NMU: variants seen among roughly 807,000 people sequenced by gnomAD.
NMU encodes the protein neuromedin-U.
NMU carries 29 observed loss-of-function variants against 35.4 expected under a neutral mutation model. That is an observed-to-expected ratio of 0.82 (90% CI 0.61 to 1.12). The LOEUF (loss-of-function observed/expected upper bound fraction) is 1.12, where lower values mean the gene tolerates loss of function less well. Ranked by LOEUF, NMU falls within the 50% of genes most tolerant of loss-of-function variation. The probability of loss-of-function intolerance (pLI) is 0.00; values close to 1 mark genes in which losing one functional copy is unlikely to be tolerated. For missense variants in NMU, 199 were observed against 206.2 expected (o/e 0.97, Z 0.21); for synonymous variants, 78 against 81.3 (o/e 0.96, Z 0.22).
chr4:55,627,833 G>A (rs546326597), intron 2 of NMU, among the ~76,000 whole-genome samples: 5 of 152,280 alleles, frequency 3.3e-5, no homozygotes, highest in South Asian at 2.1e-4. Context: ...TGCTTATCTC[G>A]ATAGTGACAC....
intron 2 of NMU, among the ~76,000 whole-genome samples, chr4:55,626,018 T>TATC (rs966152211): frequency 1.3e-5 from 2 of 152,176 alleles, no homozygotes. Flanking sequence ...ATCTTTGGGC[T>TATC]ATCTACCCAG....
chr4:55,615,897 C>T (rs1734095259), intron 3 of NMU, among the ~76,000 whole-genome samples: 1 of 152,062 alleles, frequency 6.6e-6, no homozygotes, highest in Non-Finnish European at 1.5e-5. Flanking sequence ...GTTTTCTGTT[C>T]CTGTGTTAGT....
In NMU at chr4:55,635,933, G is replaced by T. The variant is rs1252967555; in HGVS notation, c.112+148C>A. 6 of 1,422,208 alleles carry T rather than the reference G, an allele frequency of 4.2e-6. No homozygotes were observed. In the East Asian group the frequency reaches 1.5e-4, roughly 36 times the overall value. 88.1% of individuals were successfully genotyped at this position (1,422,208 alleles called of 1,614,324 possible). A position where few individuals can be genotyped will look rare whatever the true frequency, so the allele number is the denominator to read the frequency against. ...CCCTGGGGAGGCGACCTGTGCCTGG[G>T]AGGCGGGAAACCCCGCGGCACCAGA... On this transcript the variant is annotated intron_variant, in intron 1 of 9. Coordinates refer to ENST00000264218, the MANE Select transcript of NMU (RefSeq NM_006681.4).
intron 7 of NMU, among the ~76,000 whole-genome samples, chr4:55,601,844 C>G (rs1304781741): frequency 1.3e-5 from 2 of 151,610 alleles, no homozygotes; most frequent in African/African-American, 4.8e-5. Flanking sequence ...AAAATTTAGC[C>G]AGGTGTGATG....
chr4:55,600,654 G>A (rs1488777674), intron 7 of NMU, 79 bp from the exon 8 acceptor site: 6 of 1,015,866 alleles, frequency 5.9e-6, no homozygotes, highest in Non-Finnish European at 9.4e-6. Context: ...TATATTGAGG[G>A]TCAAAATTAC....
chr4:55,601,656 T>A (rs562082948), intron 7 of NMU, among the ~76,000 whole-genome samples: 51 of 152,108 alleles, frequency 3.4e-4, no homozygotes, highest in African/African-American at 1.2e-3. Context: ...TTTAAAAAAA[T>A]GTACACATAT....
At position 55,615,520 on chromosome 4, in the gene NMU, T is replaced by C. The variant is rs576342246; in HGVS notation, c.219+818A>G. On this transcript the variant is annotated intron_variant, in intron 3 of 9. Transcript: ENST00000264218. ...ACTTTTCAGTTATAATGATGATGCT[T>C]TGACCTCCAAAAGTCTGACTCATAA... 3.3e-5 allele frequency among the ~76,000 whole-genome samples: 5 copies of C among 152,346 alleles called. No individual in the cohort carries two copies. In the East Asian group the frequency reaches 9.6e-4, roughly 29 times the overall value.
chr4:55,611,168 C>G (rs953901425), intron 3 of NMU, among the ~76,000 whole-genome samples: 6 of 151,966 alleles, frequency 3.9e-5, no homozygotes, highest in African/African-American at 1.5e-4. Context: ...TTGAGACCAG[C>G]CTGGACAACA....
At chr4:55,604,637 C>T (rs869049327) in intron 7 of NMU, among the ~76,000 whole-genome samples, 1 of 144,844 alleles carries the variant, frequency 6.9e-6, no homozygotes, top group South Asian at 2.2e-4. Flanking sequence ...CCTCAGTCTC[C>T]GAGTACCTGG....
At chr4:55,614,814 C>CAT (rs1734056391) in intron 3 of NMU, among the ~76,000 whole-genome samples, 1 of 152,194 alleles carries the variant, frequency 6.6e-6, no homozygotes, top group South Asian at 2.1e-4. Flanking sequence ...AATACAAATG[C>CAT]ATATATGCTG....
intron 6 of NMU, among the ~76,000 whole-genome samples, chr4:55,605,677 T>C (rs942051546): frequency 6.6e-6 from 1 of 152,244 alleles, no homozygotes; most frequent in Non-Finnish European, 1.5e-5. Context: ...AGGCAGTCTG[T>C]CTGTTACTAG....
Position 55,614,822 on chromosome 4 carries a change from C to T in NMU, c.219+1516G>A, listed in dbSNP as rs369262161. 9.2e-5 allele frequency among the ~76,000 whole-genome samples: 14 copies of T among 152,290 alleles called. No individual in the cohort carries two copies. In the East Asian group the frequency reaches 2.5e-3, roughly 27 times the overall value. ...TAAATACAATACAAATGCATATATGCTGATTAATATAATCTCATGTTATTA... is the reference window on the plus strand; with the variant it reads ...TAAATACAATACAAATGCATATATGTTGATTAATATAATCTCATGTTATTA... On this transcript the variant is annotated intron_variant, in intron 3 of 9. Coordinates refer to ENST00000264218, the MANE Select transcript of NMU (RefSeq NM_006681.4).
At chr4:55,619,783 G>C (rs1375053842) in intron 2 of NMU, among the ~76,000 whole-genome samples, 1 of 146,762 alleles carries the variant, frequency 6.8e-6, no homozygotes, top group Non-Finnish European at 1.5e-5. Flanking sequence ...GCTTTGAATA[G>C]AGCAGTGGTT....
intron 1 of NMU, among the ~76,000 whole-genome samples, chr4:55,632,452 G>A (rs1715654487): frequency 6.6e-6 from 1 of 152,164 alleles, no homozygotes; most frequent in Non-Finnish European, 1.5e-5. Flanking sequence ...GTCCATAAAA[G>A]AGTTGGTTTA....
At chr4:55,633,140 T>C (rs770207137) in intron 1 of NMU, among the ~76,000 whole-genome samples, 19 of 151,930 alleles carry the variant, frequency 1.3e-4, no homozygotes, top group East Asian at 5.8e-4. Context: ...CTGGCTAACA[T>C]GGTGAAACCT....
chr4:55,600,221 G>A (rs1341297887), intron 8 of NMU, among the ~76,000 whole-genome samples: 2 of 151,300 alleles, frequency 1.3e-5, no homozygotes, highest in African/African-American at 4.8e-5. Flanking sequence ...ATAAGGAATA[G>A]TGTATCTTTA....
At chr4:55,614,915 T>C (rs1012030410) in intron 3 of NMU, among the ~76,000 whole-genome samples, 2 of 152,256 alleles carry the variant, frequency 1.3e-5, no homozygotes, top group Non-Finnish European at 2.9e-5. Flanking sequence ...ATTGTGATTC[T>C]GGTCTTGCTT....
intron 7 of NMU, among the ~76,000 whole-genome samples, chr4:55,602,247 T>A (rs750161115): frequency 2.0e-5 from 3 of 152,180 alleles, no homozygotes; most frequent in African/African-American, 7.2e-5. Flanking sequence ...TTAAGAAAAG[T>A]GTTTTAAAAT....
At chr4:55,616,717 A>G (rs533704954) in intron 2 of NMU, among the ~76,000 whole-genome samples, 40 of 152,228 alleles carry the variant, frequency 2.6e-4, no homozygotes, top group Non-Finnish European at 5.1e-4. Context: ...TGGCTAAAGA[A>G]TGACCTTGAA....
Sources: allele counts gnomAD v4.1 joint callset (sites outside exome capture counted in the v4.1 genomes callset), GRCh38; gene constraint gnomAD v4.1.1; transcripts MANE v1.5; gene names NCBI Gene and HGNC (gene_info 2026-07-23, HGNC 2026-07-21).